The following TMEM108 variants were observed in gnomAD, a reference collection of about 807,000 sequenced individuals.
The protein encoded by TMEM108 is cancer/testis antigen 124.
TMEM108 carries 12 observed loss-of-function variants against 35.1 expected under a neutral mutation model. The observed-to-expected ratio is 0.34, with a 90% CI of 0.22 to 0.55. The LOEUF is 0.55. TMEM108 is among the 20% of genes least tolerant of loss of function. The probability of loss-of-function intolerance (pLI) is 0.89; values close to 1 mark genes in which losing one functional copy is unlikely to be tolerated. For synonymous variants in TMEM108, 287 were observed against 308.6 expected, an observed-to-expected ratio of 0.93 and a Z score of 0.73; for missense variants, 680 against 753.3, an observed-to-expected ratio of 0.90 and a Z score of 1.14.
In TMEM108 at chr3:133,342,544, G is replaced by GTATATATATATATA. The variant is rs1553764021; in HGVS notation, c.41-37196_41-37195insTATATATATATATA. Among the ~76,000 whole-genome samples, 28 of 46,640 alleles carry GTATATATATATATA rather than the reference G, an allele frequency of 6.0e-4. 4 individuals carry two copies. The highest frequency in any genetic ancestry group is 2.0e-3 in the African/African-American group (22 of 10,938). 30.6% of individuals were successfully genotyped at this position (46,640 alleles called of 152,430 possible). A position where few individuals can be genotyped will look rare whatever the true frequency, so the allele number is the denominator to read the frequency against. ...TAAAAAAGTTAAAAAAGAAAATGTG[G>GTATATATATATATA]TATATATATATACACACACACACAC... On this transcript the variant is annotated intron_variant, in intron 3 of 5. Transcript: ENST00000321871.
In TMEM108 at chr3:133,088,702, A is replaced by AT. The variant is rs781499752; in HGVS notation, c.-47+42683dup. 1.5e-4 allele frequency among the ~76,000 whole-genome samples: 23 copies of AT among 152,304 alleles called. 1 individual carries two copies. In the South Asian group the frequency reaches 4.8e-3, roughly 32 times the overall value. On this transcript the variant is annotated intron_variant, in intron 2 of 5. Coordinates refer to ENST00000321871, the MANE Select transcript of TMEM108 (RefSeq NM_023943.4). ...CAGTTTTTAAGGATGTTTCTGATTGATAATAGACATTTGAATCGCTGCTTG... is the reference window on the plus strand; with the variant it reads ...CAGTTTTTAAGGATGTTTCTGATTGATTAATAGACATTTGAATCGCTGCTTG...
At chr3:133,292,439 G>C (rs11922977) in intron 3 of TMEM108, among the ~76,000 whole-genome samples, 1 of 151,990 alleles carries the variant, frequency 6.6e-6, no homozygotes, top group Non-Finnish European at 1.5e-5. Flanking sequence ...GTTGATCTCA[G>C]GCTCTCCTTT....
chr3:133,238,152 T>C (rs944704733), intron 3 of TMEM108, among the ~76,000 whole-genome samples: 1 of 152,020 alleles, frequency 6.6e-6, no homozygotes, highest in Non-Finnish European at 1.5e-5. Context: ...TTCTACCCAA[T>C]AGACAAACAC....
Position 133,151,909 on chromosome 3 carries a change from A to G in TMEM108, c.-46-77357A>G, listed in dbSNP as rs143914456. ...CAGTTGTCTCTTTCTATGGCAGAAT[A>G]GAAGAGAGCCGAGTAAGAGAATGGA... On this transcript the variant is annotated intron_variant, in intron 2 of 5. Coordinates refer to ENST00000321871, the MANE Select transcript of TMEM108 (RefSeq NM_023943.4). 4.1e-3 allele frequency among the ~76,000 whole-genome samples: 626 copies of G among 152,286 alleles called. 4 individuals carry two copies. The highest frequency in any genetic ancestry group is 0.014 in the African/African-American group (565 of 41,578).
In TMEM108 at chr3:133,271,106, G is replaced by T. The variant is rs149492524; in HGVS notation, c.40+41755G>T. ...ATCCACAAACTCTACCCCAACATCT[G>T]GCCAATCTTGCCATGCCCTTCCCCC... is the stretch of plus-strand genomic sequence containing the variant. On this transcript the variant is annotated intron_variant, in intron 3 of 5. Transcript: ENST00000321871. 7.0e-4 allele frequency among the ~76,000 whole-genome samples: 106 copies of T among 152,148 alleles called. 3 individuals carry two copies. The East Asian group carries it at 0.019, about 28-fold the overall frequency.
intron 2 of TMEM108, among the ~76,000 whole-genome samples, chr3:133,208,453 C>T (rs1945789407): frequency 1.3e-5 from 2 of 152,132 alleles, no homozygotes; most frequent in African/African-American, 2.4e-5. Context: ...GCTGTGTAAA[C>T]ATTGATGGGG....
intron 2 of TMEM108, among the ~76,000 whole-genome samples, chr3:133,107,352 T>C (rs1431322046): frequency 6.6e-6 from 1 of 152,190 alleles, no homozygotes; most frequent in Non-Finnish European, 1.5e-5. Flanking sequence ...ATTTTTCTAC[T>C]TCTAGCATTC....
intron 3 of TMEM108, among the ~76,000 whole-genome samples, chr3:133,271,462 T>A (rs1308849032): frequency 6.6e-6 from 1 of 152,228 alleles, no homozygotes; most frequent in African/African-American, 2.4e-5. Context: ...AAATTTGAAT[T>A]CAGTATTTCA....
At chr3:133,136,183 T>G (rs1944562124) in intron 2 of TMEM108, among the ~76,000 whole-genome samples, 1 of 152,244 alleles carries the variant, frequency 6.6e-6, no homozygotes, top group Non-Finnish European at 1.5e-5. Context: ...CTGCCTTCAC[T>G]GTGTTTTGCA....
chr3:133,155,619 T>C (rs1041350651), intron 2 of TMEM108, among the ~76,000 whole-genome samples: 3 of 152,200 alleles, frequency 2.0e-5, no homozygotes, highest in Non-Finnish European at 4.4e-5. Flanking sequence ...ATATTGAGCA[T>C]TTCTTCATAT....
chr3:133,147,754 T>G (rs912366353), intron 2 of TMEM108, among the ~76,000 whole-genome samples: 1 of 152,226 alleles, frequency 6.6e-6, no homozygotes, highest in Non-Finnish European at 1.5e-5. Context: ...CAGTCTGGCC[T>G]AAGACATACC....
chr3:133,324,826 A>G (rs1301776084), intron 3 of TMEM108, among the ~76,000 whole-genome samples: 1 of 152,162 alleles, frequency 6.6e-6, no homozygotes, highest in African/African-American at 2.4e-5. Flanking sequence ...AAATACAAAA[A>G]TTAGCTGGGC....
At chr3:133,056,306 C>T (rs1010534303) in intron 2 of TMEM108, among the ~76,000 whole-genome samples, 2 of 152,154 alleles carry the variant, frequency 1.3e-5, no homozygotes, top group African/African-American at 4.8e-5. Context: ...TACAGTGCTC[C>T]TGTTTCTTTT....
chr3:133,114,156 C>A (rs1242378743), intron 2 of TMEM108, among the ~76,000 whole-genome samples: 3 of 152,064 alleles, frequency 2.0e-5, no homozygotes, highest in Non-Finnish European at 4.4e-5. Flanking sequence ...ATTCAGGTTG[C>A]AAAGAGATGA....
chr3:133,359,217 G>A (rs1477397646), intron 3 of TMEM108, among the ~76,000 whole-genome samples: 1 of 152,150 alleles, frequency 6.6e-6, no homozygotes, highest in Non-Finnish European at 1.5e-5. Context: ...ATGTTAAATA[G>A]GTATTGCTGG....
At chr3:133,135,170 T>G (rs1346020299) in intron 2 of TMEM108, among the ~76,000 whole-genome samples, 1 of 150,226 alleles carries the variant, frequency 6.7e-6, no homozygotes, top group South Asian at 2.1e-4. Flanking sequence ...TTTTTTTTTT[T>G]CTTTCTTTCT....
At chr3:133,168,760 T>C (rs375735940) in intron 2 of TMEM108, among the ~76,000 whole-genome samples, 1 of 152,224 alleles carries the variant, frequency 6.6e-6, no homozygotes, top group Non-Finnish European at 1.5e-5. Flanking sequence ...TTTCGCTCTT[T>C]GCAATAAATA....
chr3:133,210,144 GTC>G (rs1265424092), intron 2 of TMEM108, among the ~76,000 whole-genome samples: 1 of 152,180 alleles, frequency 6.6e-6, no homozygotes, highest in Non-Finnish European at 1.5e-5. Context: ...TCGTAAAACT[GTC>G]ACTTTCAGGG....
chr3:133,194,333 T>C (rs1367664399), intron 2 of TMEM108, among the ~76,000 whole-genome samples: 1 of 152,226 alleles, frequency 6.6e-6, no homozygotes, highest in Non-Finnish European at 1.5e-5. Flanking sequence ...GACACTTCCT[T>C]GAGATTCTGA....
Sources: allele counts gnomAD v4.1 joint callset (sites outside exome capture counted in the v4.1 genomes callset), GRCh38; gene constraint gnomAD v4.1.1; transcripts MANE v1.5; gene names NCBI Gene and HGNC (gene_info 2026-07-23, HGNC 2026-07-21).